CADPS2: variants seen among roughly 807,000 people sequenced by gnomAD.
CADPS2 encodes the protein calcium-dependent secretion activator 2.
A neutral mutation model predicts 172.5 loss-of-function variants in CADPS2; 93 were observed. The ratio of observed to expected loss-of-function variants is 0.54; its 90% CI spans 0.46 to 0.64. The LOEUF is 0.64. Among genes scored for constraint, CADPS2 ranks in the 30% least tolerant of loss-of-function variants. The pLI is 0.00. For synonymous variants in CADPS2, 546 were observed against 555.2 expected (o/e 0.98, Z 0.23); for missense variants, 1,420 against 1,565.9 (o/e 0.91, Z 1.57).
At chr7:122,396,856 G>A (rs1293186901) in intron 20 of CADPS2, among the ~76,000 whole-genome samples, 5 of 152,156 alleles carry the variant, frequency 3.3e-5, no homozygotes, top group African/African-American at 1.2e-4. Flanking sequence ...TCTCAAGGCA[G>A]GAACTATGTC....
intron 4 of CADPS2, among the ~76,000 whole-genome samples, chr7:122,627,201 A>G (rs1206959690): frequency 6.6e-6 from 1 of 152,188 alleles, no homozygotes; most frequent in Non-Finnish European, 1.5e-5. Context: ...CTAAGCCTCA[A>G]TTTCCTCTTC....
chr7:122,851,500 T>C (rs775915986), intron 1 of CADPS2, among the ~76,000 whole-genome samples: 25 of 152,124 alleles, frequency 1.6e-4, no homozygotes, highest in Admixed American at 2.6e-4. Flanking sequence ...TGTAAACCAG[T>C]ACTAAAAATA....
intron 17 of CADPS2, among the ~76,000 whole-genome samples, chr7:122,434,574 G>A (rs2050398218): frequency 6.6e-6 from 1 of 152,126 alleles, no homozygotes; most frequent in Non-Finnish European, 1.5e-5. Context: ...GGTGGGTGCT[G>A]GGAATACAAC....
intron 6 of CADPS2, among the ~76,000 whole-genome samples, chr7:122,597,088 C>G (rs1294591671): frequency 1.3e-5 from 2 of 152,020 alleles, no homozygotes; most frequent in Non-Finnish European, 2.9e-5. Context: ...AGAACTCACT[C>G]AAGCCATTCA....
At chr7:122,750,927 C>T (rs2092927294) in intron 1 of CADPS2, among the ~76,000 whole-genome samples, 1 of 152,062 alleles carries the variant, frequency 6.6e-6, no homozygotes, top group African/African-American at 2.4e-5. Context: ...CTGAGGAGAG[C>T]TCAGTGAGTA....
chr7:122,547,027 T>C (rs1256832541), intron 8 of CADPS2, among the ~76,000 whole-genome samples: 2 of 152,068 alleles, frequency 1.3e-5, no homozygotes, highest in African/African-American at 4.8e-5. Context: ...GCAAATTACT[T>C]TTATTTAGTC....
intron 7 of CADPS2, among the ~76,000 whole-genome samples, chr7:122,559,965 G>A (rs28379593): frequency 0.11 from 17,332 of 151,772 alleles, 1,288 homozygotes; most frequent in African/African-American, 0.2. Flanking sequence ...GTAGGAAGGG[G>A]GCATCAGGGT....
intron 28 of CADPS2, among the ~76,000 whole-genome samples, chr7:122,343,970 T>C (rs2037177753): frequency 6.6e-6 from 1 of 152,210 alleles, no homozygotes; most frequent in South Asian, 2.1e-4. Flanking sequence ...ATCATTTTTT[T>C]CACACATATT....
intron 1 of CADPS2, among the ~76,000 whole-genome samples, chr7:122,863,622 A>T (rs67590838): frequency 6.6e-6 from 1 of 152,170 alleles, no homozygotes; most frequent in African/African-American, 2.4e-5. Flanking sequence ...TTACAAAAAA[A>T]GTTCAAATGA....
At chr7:122,645,422 T>G (rs1481072205) in intron 3 of CADPS2, among the ~76,000 whole-genome samples, 1 of 100,958 alleles carries the variant, frequency 9.9e-6, no homozygotes, top group African/African-American at 3.3e-5. Flanking sequence ...CACATGTATA[T>G]GTGTGTATAT....
At chr7:122,429,744 GA>G (rs1222989437) in intron 17 of CADPS2, among the ~76,000 whole-genome samples, 1 of 152,040 alleles carries the variant, frequency 6.6e-6, no homozygotes, top group African/African-American at 2.4e-5. Context: ...AGTTCATGGG[GA>G]CACACAATAC....
At chr7:122,605,992 C>A (rs1336257839) in intron 6 of CADPS2, among the ~76,000 whole-genome samples, 1 of 152,124 alleles carries the variant, frequency 6.6e-6, no homozygotes, top group Non-Finnish European at 1.5e-5. Context: ...GTCCCCAAAC[C>A]ACACAGTGAT....
intron 2 of CADPS2, among the ~76,000 whole-genome samples, chr7:122,713,985 G>A (rs1162458494): frequency 6.6e-6 from 1 of 152,042 alleles, no homozygotes; most frequent in African/African-American, 2.4e-5. Flanking sequence ...AAAGAGCCTG[G>A]TTTCTCCAAC....
chr7:122,784,776 T>C (rs1177516031), intron 1 of CADPS2, among the ~76,000 whole-genome samples: 1 of 152,212 alleles, frequency 6.6e-6, no homozygotes, highest in Non-Finnish European at 1.5e-5. Context: ...TTTATCAGAA[T>C]GTGTCTGGAC....
At chr7:122,760,006 A>C (rs888457052) in intron 1 of CADPS2, among the ~76,000 whole-genome samples, 4 of 151,956 alleles carry the variant, frequency 2.6e-5, no homozygotes, top group Admixed American at 6.6e-5. Context: ...ATATATACAC[A>C]CACACACACG....
intron 2 of CADPS2, among the ~76,000 whole-genome samples, chr7:122,685,802 C>A (rs2083548106): frequency 1.3e-5 from 2 of 152,276 alleles, no homozygotes; most frequent in South Asian, 4.1e-4. Context: ...AATCAATGAA[C>A]CTGCCATATG....
intron 1 of CADPS2, among the ~76,000 whole-genome samples, chr7:122,855,962 G>C (rs1478451041): frequency 6.6e-6 from 1 of 152,146 alleles, no homozygotes; most frequent in Admixed American, 6.5e-5. Context: ...CCTGCAAGAT[G>C]TAAAAAGAAG....
At chr7:122,453,463 C>T (rs563528867) in intron 14 of CADPS2, among the ~76,000 whole-genome samples, 2 of 152,176 alleles carry the variant, frequency 1.3e-5, no homozygotes, top group Admixed American at 6.5e-5. Flanking sequence ...CTATATAAAT[C>T]ATTAATTTGG....
intron 1 of CADPS2, among the ~76,000 whole-genome samples, chr7:122,821,607 C>G (rs920240262): frequency 2.0e-5 from 3 of 152,122 alleles, no homozygotes; most frequent in Non-Finnish European, 4.4e-5. Context: ...TCCGTTCTGT[C>G]AGACATAATT....
Sources: allele counts gnomAD v4.1 joint callset (sites outside exome capture counted in the v4.1 genomes callset), GRCh38; gene constraint gnomAD v4.1.1; transcripts MANE v1.5; gene names NCBI Gene and HGNC (gene_info 2026-07-23, HGNC 2026-07-21).